MTSS1: variants seen among roughly 807,000 people sequenced by gnomAD.
MTSS1 encodes the protein protein MTSS 1.
MTSS1 carries 18 observed loss-of-function variants against 79.0 expected under a neutral mutation model. The ratio of observed to expected loss-of-function variants is 0.23; its 90% CI spans 0.16 to 0.34. MTSS1 has a LOEUF of 0.34. Among genes scored for constraint, MTSS1 ranks in the 10% least tolerant of loss-of-function variants. The pLI is 1.00. For missense variants in MTSS1, 815 were observed against 986.2 expected (o/e 0.83, Z 2.33); for synonymous variants, 341 against 368.6 (o/e 0.93, Z 0.86).
chr8:124,688,250 T>C (rs932979830), intron 3 of MTSS1, among the ~76,000 whole-genome samples: 3 of 151,834 alleles, frequency 2.0e-5, no homozygotes, highest in African/African-American at 7.3e-5. Context: ...ATGTTGTGCG[T>C]GTGTGTGTGC....
chr8:124,725,540 G>T (rs1044571353), intron 1 of MTSS1, among the ~76,000 whole-genome samples: 1 of 152,052 alleles, frequency 6.6e-6, no homozygotes, highest in East Asian at 1.9e-4. Flanking sequence ...ATGGGTTTCC[G>T]ACATTTACGC....
intron 3 of MTSS1, among the ~76,000 whole-genome samples, chr8:124,674,518 T>C (rs573847402): frequency 3.9e-5 from 6 of 152,068 alleles, no homozygotes; most frequent in African/African-American, 1.2e-4. Flanking sequence ...GTTATTCTTA[T>C]ATTTTTAGTA....
rs976912739 is a variant in MTSS1, at chr8:124,629,521, A to G, written c.209-38286T>C. Among the ~76,000 whole-genome samples, 218 of 151,354 alleles carry G rather than the reference A, an allele frequency of 1.4e-3. 1 individual carries two copies. Among genetic ancestry groups the G allele is most frequent in the African/African-American group, 4.8e-3 (197 of 41,276 alleles). On this transcript the variant is annotated intron_variant, in intron 3 of 13. Transcript: ENST00000518547. ...ACTCCGTCTCAAAAAAAAAAAAAAA[A>G]AAAAAGAAAAGAAAAAGAAAAAAGA...
intron 1 of MTSS1, among the ~76,000 whole-genome samples, chr8:124,720,407 T>C (rs1259411059): frequency 6.6e-6 from 1 of 152,204 alleles, no homozygotes; most frequent in African/African-American, 2.4e-5. Context: ...ATGGCCACTT[T>C]TGGTGGTTGC....
intron 6 of MTSS1, chr8:124,580,691 C>CCTG: frequency 9.1e-7 from 1 of 1,096,894 alleles, no homozygotes; most frequent in Non-Finnish European, 1.3e-6. Flanking sequence ...CAGTCCATGG[C>CCTG]TCGCCACCAA....
At chr8:124,645,414 AT>A (rs1256900263) in intron 3 of MTSS1, among the ~76,000 whole-genome samples, 1 of 152,198 alleles carries the variant, frequency 6.6e-6, no homozygotes, top group Non-Finnish European at 1.5e-5. Flanking sequence ...ACAATTTTCA[AT>A]GTGTAGAAGA....
Position 124,683,098 on chromosome 8 carries a change from T to G in MTSS1, c.208+16428A>C, listed in dbSNP as rs756971782. Among the ~76,000 whole-genome samples, 10 of 152,162 alleles carry G rather than the reference T, an allele frequency of 6.6e-5. No homozygotes were observed. Among genetic ancestry groups the G allele is most frequent in the Non-Finnish European group, 1.3e-4 (9 of 68,010 alleles). On this transcript the variant is annotated intron_variant, in intron 3 of 13. Transcript: ENST00000518547. This position sits in a 1 kb window ranked among gnomAD's most constrained non-coding sequence, Gnocchi z 4.5. Reference sequence around the variant, plus strand: ...GTACATTCAACTATCTGGCCCCATTTTATTTCCATGTGATTTAAACCTGAT... The same window carrying G: ...GTACATTCAACTATCTGGCCCCATTGTATTTCCATGTGATTTAAACCTGAT...
chr8:124,639,574 G>A (rs1323080731), intron 3 of MTSS1, among the ~76,000 whole-genome samples: 3 of 151,636 alleles, frequency 2.0e-5, no homozygotes, highest in Admixed American at 6.6e-5. Flanking sequence ...AGTGATTCTC[G>A]TGCCTCAGCC....
intron 3 of MTSS1, among the ~76,000 whole-genome samples, chr8:124,652,046 C>G (rs540066551): frequency 6.6e-6 from 1 of 152,222 alleles, no homozygotes; most frequent in Non-Finnish European, 1.5e-5. Context: ...TGGCTAGATT[C>G]ACCCATTTCA....
intron 3 of MTSS1, among the ~76,000 whole-genome samples, chr8:124,600,056 AAAAAAAAAAC>A (rs1587143575): frequency 2.7e-5 from 2 of 75,438 alleles, no homozygotes; most frequent in Non-Finnish European, 4.6e-5. Context: ...AAAAAAAAAC[AAAAAAAAAAC>A]CAAATATGCT....
intron 7 of MTSS1, chr8:124,567,953 C>T (rs1826887398): frequency 2.9e-6 from 4 of 1,383,836 alleles, no homozygotes; most frequent in Admixed American, 3.0e-5. Flanking sequence ...CATGGTCACC[C>T]CTTAGTACTC....
chr8:124,587,844 A>G (rs755894104), intron 5 of MTSS1, among the ~76,000 whole-genome samples: 3 of 152,180 alleles, frequency 2.0e-5, no homozygotes, highest in African/African-American at 7.2e-5. Flanking sequence ...GTATTTGGCT[A>G]TTGTACCCAT....
chr8:124,595,591 G>A (rs930741082), intron 3 of MTSS1, among the ~76,000 whole-genome samples: 15 of 152,084 alleles, frequency 9.9e-5, no homozygotes, highest in Non-Finnish European at 2.1e-4. Context: ...TCCTTCTTAT[G>A]AGAATCCTTG....
At chr8:124,604,612 C>T (rs1178069188) in intron 3 of MTSS1, among the ~76,000 whole-genome samples, 1 of 151,484 alleles carries the variant, frequency 6.6e-6, no homozygotes, top group African/African-American at 2.4e-5. Context: ...TTTTAAAAAA[C>T]CTGTTTTATT....
intron 6 of MTSS1, among the ~76,000 whole-genome samples, chr8:124,574,826 C>T (rs1394544787): frequency 1.3e-5 from 2 of 152,182 alleles, no homozygotes; most frequent in South Asian, 2.1e-4. Flanking sequence ...CCATTAGAAT[C>T]CTGCAAAATG....
chr8:124,590,321 C>G (rs1473214968), intron 4 of MTSS1, among the ~76,000 whole-genome samples: 1 of 152,230 alleles, frequency 6.6e-6, no homozygotes, highest in Non-Finnish European at 1.5e-5. Flanking sequence ...CCCCAAAATG[C>G]AAAGACACCT....
intron 3 of MTSS1, among the ~76,000 whole-genome samples, chr8:124,612,993 G>T (rs1587282555): frequency 6.6e-6 from 1 of 152,116 alleles, no homozygotes; most frequent in African/African-American, 2.4e-5. Context: ...AGGAAAAAAG[G>T]TCTCAGGGGC....
intron 3 of MTSS1, among the ~76,000 whole-genome samples, chr8:124,673,758 T>C (rs1430438091): frequency 6.6e-6 from 1 of 152,112 alleles, no homozygotes; most frequent in Non-Finnish European, 1.5e-5. Flanking sequence ...GCACTATTTC[T>C]TTTTTTTCCT....
intron 3 of MTSS1, among the ~76,000 whole-genome samples, chr8:124,632,874 A>C (rs1816262373): frequency 6.6e-6 from 1 of 152,018 alleles, no homozygotes; most frequent in African/African-American, 2.4e-5. Context: ...TGCCATGTTA[A>C]CCAGGCTGGT....
Sources: allele counts gnomAD v4.1 joint callset (sites outside exome capture counted in the v4.1 genomes callset), GRCh38; gene constraint gnomAD v4.1.1; non-coding constraint Gnocchi (gnomAD v3.1); transcripts MANE v1.5; gene names NCBI Gene and HGNC (gene_info 2026-07-23, HGNC 2026-07-21).